The following ABCB9 variants were observed in gnomAD, a reference collection of about 807,000 sequenced individuals.
ABCB9 encodes ABC-type oligopeptide transporter ABCB9.
ABCB9 carries 36 observed loss-of-function variants against 62.0 expected under a neutral mutation model. The observed-to-expected ratio is 0.58, with a 90% confidence interval of 0.45 to 0.77. The LOEUF is 0.77. Ranked by LOEUF, ABCB9 falls within the 30% of genes least tolerant of loss-of-function variation. The pLI, the probability that ABCB9 is intolerant of heterozygous loss-of-function variation, is 0.00. For missense variants in ABCB9, 943 were observed against 1,054.7 expected (o/e 0.89, Z 1.47); for synonymous variants, 435 against 461.4 (o/e 0.94, Z 0.73).
intron 10 of ABCB9, among the ~76,000 whole-genome samples, chr12:122,934,948 T>C (rs1355471785): frequency 6.6e-6 from 1 of 151,924 alleles, no homozygotes; most frequent in Non-Finnish European, 1.5e-5. Context: ...CACCTCCTCC[T>C]CCGCCTCCAC....
intron 4 of ABCB9, 142 bp downstream of exon 4, chr12:122,949,646 G>T: frequency 1.7e-6 from 2 of 1,145,236 alleles, no homozygotes; most frequent in Non-Finnish European, 2.5e-6. Flanking sequence ...CAAGCCCAGG[G>T]TGTTCCCAGC....
intron 10 of ABCB9, among the ~76,000 whole-genome samples, chr12:122,933,753 A>G (rs2035316234): frequency 6.6e-6 from 1 of 152,152 alleles, no homozygotes; most frequent in Non-Finnish European, 1.5e-5. Flanking sequence ...TAATTTAAAA[A>G]TTCTTTTAAA....
At chr12:122,948,562 C>T (rs1566178011) in intron 5 of ABCB9, 62 bp downstream of exon 5, 3 of 1,493,054 alleles carry the variant, frequency 2.0e-6, no homozygotes, top group Non-Finnish European at 2.7e-6. Context: ...TGAGCCCCTC[C>T]TAAGGGGATG....
At position 122,959,089 on chromosome 12, in the gene ABCB9, C is replaced by A. The variant is rs947847365; in HGVS notation, c.601+546G>T. ...GAAATGGGGCAGGCACCGTGGCTCA[C>A]GCCTGTAATCCCAGCACTTTGGGAG... On this transcript the variant is annotated intron_variant, in intron 2 of 11. Coordinates refer to ENST00000280560, the MANE Select transcript of ABCB9 (RefSeq NM_019625.4). This position sits in a 1 kb window ranked among gnomAD's most constrained non-coding sequence, Gnocchi z 5.4. Among the ~76,000 whole-genome samples, 1 of 149,982 alleles carries A rather than the reference C, an allele frequency of 6.7e-6. No individual in the cohort carries two copies. Among genetic ancestry groups the A allele is most frequent in the Non-Finnish European group, 1.5e-5 (1 of 67,624 alleles).
chr12:122,933,886 T>C (rs889302345), intron 10 of ABCB9, among the ~76,000 whole-genome samples: 6 of 152,176 alleles, frequency 3.9e-5, no homozygotes, highest in African/African-American at 1.4e-4. Flanking sequence ...TTTATCACTT[T>C]TTTAAAGAGA....
In ABCB9 at chr12:122,932,996, T is replaced by C. The variant is rs1359309549; in HGVS notation, c.1904-668A>G. Among the ~76,000 whole-genome samples, 1 of 152,142 alleles carries C rather than the reference T, an allele frequency of 6.6e-6. No homozygotes were observed. The highest frequency in any genetic ancestry group is 2.4e-5 in the African/African-American group (1 of 41,440). ...GCCTCAAACTTCTGGGTTCAAGCAA[T>C]CCTCCAGCCTCAGCCTTCTGAGTAA... On this transcript the variant is annotated intron_variant, in intron 10 of 11. Coordinates refer to ENST00000280560, the MANE Select transcript of ABCB9 (RefSeq NM_019625.4). This position sits in a 1 kb window ranked among gnomAD's most constrained non-coding sequence, Gnocchi z 4.7.
chr12:122,958,436 G>C (rs2036724149), intron 2 of ABCB9, among the ~76,000 whole-genome samples: 1 of 152,130 alleles, frequency 6.6e-6, no homozygotes, highest in Non-Finnish European at 1.5e-5. Context: ...AGGAAAAGCT[G>C]GGAACATGCA....
At position 122,944,293 on chromosome 12, in the gene ABCB9, T is replaced by G. The variant is rs1249232017; in HGVS notation, c.1380+98A>C. 2 of 1,492,378 alleles carry G rather than the reference T, an allele frequency of 1.3e-6. No individual in the cohort carries two copies. The highest frequency in any genetic ancestry group is 4.6e-5 in the East Asian group (2 of 43,320). 92.4% of individuals were successfully genotyped at this position (1,492,378 alleles called of 1,614,324 possible). A position where few individuals can be genotyped will look rare whatever the true frequency, so the allele number is the denominator to read the frequency against. On this transcript the variant is annotated intron_variant, in intron 7 of 11. Coordinates refer to ENST00000280560, the MANE Select transcript of ABCB9 (RefSeq NM_019625.4). This position sits in a 1 kb window ranked among gnomAD's most constrained non-coding sequence, Gnocchi z 4.9. Reference sequence around the variant, plus strand: ...ACTTACCTTAGAGAGAAATACCACATTGTCAGAGTCCCTGGAGCCCCGCCC... The same window carrying G: ...ACTTACCTTAGAGAGAAATACCACAGTGTCAGAGTCCCTGGAGCCCCGCCC...
chr12:122,965,166 G>GT (rs1351303890), intron 1 of ABCB9, among the ~76,000 whole-genome samples: 1 of 152,152 alleles, frequency 6.6e-6, no homozygotes, highest in Non-Finnish European at 1.5e-5. Context: ...GACAGAAGAG[G>GT]TTAAGTGACA....
chr12:122,945,896 A>C lies in ABCB9; in HGVS notation c.1251+129T>G. ...CTGTCTCAAAAAAAAAAAAAAAAAA[A>C]AAGAAAGACAGACAGATTCTCCACC... is the stretch of plus-strand genomic sequence containing the variant. On this transcript the variant is annotated intron_variant, in intron 6 of 11. Coordinates refer to ENST00000280560, the MANE Select transcript of ABCB9 (RefSeq NM_019625.4). 3.2e-6 allele frequency: 3 copies of C among 950,052 alleles called. No homozygotes were observed. The East Asian group carries it at 8.0e-5, about 25-fold the overall frequency. The allele number at this position is 950,052 out of a possible 1,614,324, so 58.9% of individuals were successfully genotyped here. A position where few individuals can be genotyped will look rare whatever the true frequency, so the allele number is the denominator to read the frequency against.
At position 122,948,721 on chromosome 12, in the gene ABCB9, A is replaced by C. The variant is rs2036187186; in HGVS notation, c.956T>G (p.Val319Gly). Residue 319 changes from valine to glycine, a missense_variant, in exon 5 of 12, where the codon GTC (valine) becomes GGC (glycine). Val to Gly is a moderately radical substitution (Grantham distance 109). Coordinates refer to ENST00000280560, the MANE Select transcript of ABCB9 (RefSeq NM_019625.4). Reference protein sequence around the residue: ...RNTVKVTGVVVFMFSLSWQLS... With the variant: ...RNTVKVTGVVGFMFSLSWQLS... ...CTGCCATGAGAGGCTGAACATGAAG[A>C]CCACCACGCCCGTGACCTTGACTGT... The C allele has an allele frequency of 1.2e-6, 2 of 1,614,004 alleles. No homozygotes were observed. Among genetic ancestry groups the C allele is most frequent in the African/African-American group, 1.3e-5 (1 of 75,028 alleles).
downstream of ABCB9, among the ~76,000 whole-genome samples, chr12:122,920,362 G>GAAAAAAAA (rs74263734): frequency 9.7e-6 from 1 of 103,312 alleles, no homozygotes; most frequent in African/African-American, 3.3e-5. Flanking sequence ...AACTGCAAAG[G>GAAAAAAAA]AAAAAAAAAA....
rs999977174 is a variant in ABCB9, at chr12:122,959,235, C to T, written c.601+400G>A. 2.0e-5 allele frequency among the ~76,000 whole-genome samples: 3 copies of T among 151,832 alleles called. No homozygotes were observed. Among genetic ancestry groups the T allele is most frequent in the African/African-American group, 4.8e-5 (2 of 41,508 alleles). On this transcript the variant is annotated intron_variant, in intron 2 of 11. Transcript: ENST00000280560. The surrounding 1 kb of genome is among the most constrained non-coding windows in gnomAD (Gnocchi z 5.4). ...GGTGTGGTGGCATATGCCTGTAGTCCCAGCTACTTGAGAGGCTGAGGCAGG... is the reference window on the plus strand; with the variant it reads ...GGTGTGGTGGCATATGCCTGTAGTCTCAGCTACTTGAGAGGCTGAGGCAGG...
chr12:122,958,169 CA>C (rs34917345), intron 2 of ABCB9, among the ~76,000 whole-genome samples: 3 of 72,234 alleles, frequency 4.2e-5, no homozygotes, highest in African/African-American at 6.1e-5. Flanking sequence ...GACTCCATCT[CA>C]AAAAAAAAAA....
At chr12:122,936,163 TTAAA>T (rs933930930) in intron 9 of ABCB9, among the ~76,000 whole-genome samples, 6 of 152,210 alleles carry the variant, frequency 3.9e-5, no homozygotes, top group Non-Finnish European at 5.9e-5. Context: ...TGGGGATTGG[TTAAA>T]TAGTGACAGT....
chr12:122,934,786 A>T (rs2035371890), intron 10 of ABCB9, among the ~76,000 whole-genome samples: 2 of 151,714 alleles, frequency 1.3e-5, no homozygotes, highest in African/African-American at 4.8e-5. Context: ...TCTTTATGCA[A>T]ATATGAACAT....
Position 122,946,040 on chromosome 12 carries a change from G to A in ABCB9, c.1236C>T (p.Tyr412=), listed in dbSNP as rs762669830. ...NRKEAAAYMY[Y]VWGSGLTLLV... is the part of the protein sequence containing the mutation. Reference sequence around the variant, plus strand: ...GGGCACGTACCCCGCTGCCCCAGACGTAGTACATGTAGGCAGCTGCCTCCT... The same window carrying A: ...GGGCACGTACCCCGCTGCCCCAGACATAGTACATGTAGGCAGCTGCCTCCT... Residue 412 remains tyrosine (Y), a synonymous_variant, in exon 6 of 12, where the codon TAC becomes TAT. Coordinates refer to ENST00000280560, the MANE Select transcript of ABCB9 (RefSeq NM_019625.4). 44 of 1,613,566 alleles carry A rather than the reference G, an allele frequency of 2.7e-5. No homozygotes were observed. Among genetic ancestry groups the A allele is most frequent in the Admixed American group, 6.7e-5 (4 of 59,974 alleles).
rs1566193849 is a variant in ABCB9, at chr12:122,959,909, C to T, written c.327G>A (p.Arg109=). Residue 109 remains arginine, a synonymous_variant, in exon 2 of 12, where the codon AGG becomes AGA. Coordinates refer to ENST00000280560, the MANE Select transcript of ABCB9 (RefSeq NM_019625.4). This position sits in a 1 kb window ranked among gnomAD's most constrained non-coding sequence, Gnocchi z 5.4. ...VKLLLFSEVR[R]PIRDPWFWAL... ...CCCAAAACCAGGGGTCCCGGATGGG[C>T]CTGCGCACCTCTGAGAAGAGCAGCA... 1 of 1,613,460 alleles carries T rather than the reference C, an allele frequency of 6.2e-7. No individual in the cohort carries two copies. The highest frequency in any genetic ancestry group is 8.5e-7 in the Non-Finnish European group (1 of 1,179,914).
chr12:122,921,800 G>A (rs1422888931), intron 11 of ABCB9, among the ~76,000 whole-genome samples: 1 of 151,814 alleles, frequency 6.6e-6, no homozygotes, highest in African/African-American at 2.4e-5. Flanking sequence ...AAACATTAAA[G>A]AATTAACCTC....
Sources: allele counts gnomAD v4.1 joint callset (sites outside exome capture counted in the v4.1 genomes callset), GRCh38; gene constraint gnomAD v4.1.1; non-coding constraint Gnocchi (gnomAD v3.1); transcripts MANE v1.5; gene names NCBI Gene and HGNC (gene_info 2026-07-23, HGNC 2026-07-21).